Variants in ROBO1 observed in about 807,000 individuals in gnomAD.
ROBO1 encodes roundabout guidance receptor 1, also known as roundabout homolog 1.
Under a neutral mutation model 195.9 loss-of-function variants are expected in ROBO1, and 149 were observed. The ratio of observed to expected loss-of-function variants is 0.76; its 90% CI spans 0.67 to 0.87. The LOEUF (loss-of-function observed/expected upper bound fraction) is 0.87. Among genes scored for constraint, ROBO1 ranks in the 40% least tolerant of loss-of-function variants. The pLI is 0.00. For missense variants in ROBO1, 1,933 were observed against 2,068.3 expected, an observed-to-expected ratio of 0.93 and a Z score of 1.27; for synonymous variants, 816 against 733.2, an observed-to-expected ratio of 1.11 and a Z score of -1.82.
chr3:79,672,355 G>C (rs1946657553), intron 1 of ROBO1, among the ~76,000 whole-genome samples: 1 of 141,940 alleles, frequency 7.0e-6, no homozygotes, highest in Admixed American at 6.9e-5. Context: ...AATCTTTGAA[G>C]ACAGTTAAAT....
chr3:78,941,572 C>G (rs936744587), intron 3 of ROBO1, among the ~76,000 whole-genome samples: 3 of 152,088 alleles, frequency 2.0e-5, no homozygotes, highest in Non-Finnish European at 4.4e-5. Context: ...TATGAGGATA[C>G]AAAGAAGGGC....
intron 2 of ROBO1, among the ~76,000 whole-genome samples, chr3:79,469,640 A>G (rs1224640936): frequency 6.6e-6 from 1 of 152,222 alleles, no homozygotes; most frequent in Non-Finnish European, 1.5e-5. Context: ...TCTTTTCTAT[A>G]AAATGAAGAA....
chr3:79,396,086 T>C (rs898782922), intron 2 of ROBO1, among the ~76,000 whole-genome samples: 15 of 152,108 alleles, frequency 9.9e-5, no homozygotes, highest in Admixed American at 8.5e-4. Flanking sequence ...TAATTTCTTA[T>C]AAAAGCTCTC....
At chr3:79,308,124 G>A (rs1417942674) in intron 2 of ROBO1, among the ~76,000 whole-genome samples, 1 of 152,064 alleles carries the variant, frequency 6.6e-6, no homozygotes, top group African/African-American at 2.4e-5. Context: ...CCTTAAACAT[G>A]TTACATTATT....
chr3:79,067,322 T>A (rs1026477481), intron 3 of ROBO1, among the ~76,000 whole-genome samples: 2 of 151,982 alleles, frequency 1.3e-5, no homozygotes, highest in Non-Finnish European at 2.9e-5. Context: ...GAAGTTAATA[T>A]GGGGTTACTT....
At chr3:78,921,470 A>C (rs1174560889) in intron 4 of ROBO1, among the ~76,000 whole-genome samples, 1 of 152,234 alleles carries the variant, frequency 6.6e-6, no homozygotes, top group African/African-American at 2.4e-5. Context: ...TTTTATAAAC[A>C]ATAACTGCAA....
At chr3:78,862,004 C>A (rs931388952) in intron 4 of ROBO1, among the ~76,000 whole-genome samples, 1 of 152,088 alleles carries the variant, frequency 6.6e-6, no homozygotes, top group African/African-American at 2.4e-5. Flanking sequence ...CCCTAGAACA[C>A]GTGAATATGC....
chr3:79,177,965 A>G (rs756376624), intron 2 of ROBO1, among the ~76,000 whole-genome samples: 13 of 152,232 alleles, frequency 8.5e-5, no homozygotes, highest in Non-Finnish European at 1.5e-5. Context: ...TGTGTACAAG[A>G]TCATGTGGCC....
chr3:79,463,185 A>G (rs773514741), intron 2 of ROBO1, among the ~76,000 whole-genome samples: 16 of 152,094 alleles, frequency 1.1e-4, no homozygotes, highest in Non-Finnish European at 2.2e-4. Flanking sequence ...CATCCTGGCT[A>G]ACACGGTGAA....
intron 3 of ROBO1, among the ~76,000 whole-genome samples, chr3:78,950,431 T>C (rs1472217488): frequency 6.9e-6 from 1 of 145,226 alleles, no homozygotes; most frequent in African/African-American, 2.6e-5. Context: ...AAACACCGCA[T>C]GTTCTCACTC....
chr3:79,365,095 G>T (rs2109316654), intron 2 of ROBO1, among the ~76,000 whole-genome samples: 1 of 152,222 alleles, frequency 6.6e-6, no homozygotes, highest in African/African-American at 2.4e-5. Context: ...TACGTGAATT[G>T]CATCAGAATG....
chr3:79,355,858 G>T (rs779233923), intron 2 of ROBO1, among the ~76,000 whole-genome samples: 3 of 152,132 alleles, frequency 2.0e-5, no homozygotes, highest in Admixed American at 6.5e-5. Flanking sequence ...TGTGAAGAGT[G>T]CTACAGTAAA....
intron 2 of ROBO1, among the ~76,000 whole-genome samples, chr3:79,575,364 TAACA>T (rs1943442753): frequency 7.9e-6 from 1 of 127,264 alleles, no homozygotes; most frequent in Non-Finnish European, 1.6e-5. Context: ...AATATGTATA[TAACA>T]AATATATATA....
intron 2 of ROBO1, among the ~76,000 whole-genome samples, chr3:79,439,531 T>C (rs980960240): frequency 6.6e-6 from 1 of 152,126 alleles, no homozygotes; most frequent in African/African-American, 2.4e-5. Flanking sequence ...ATATTGTCTT[T>C]GCCTTCTAAA....
intron 2 of ROBO1, among the ~76,000 whole-genome samples, chr3:79,169,276 A>G (rs2081126101): frequency 6.6e-6 from 1 of 152,202 alleles, no homozygotes; most frequent in African/African-American, 2.4e-5. Context: ...TATTCCTCCA[A>G]ACAGTTAATG....
chr3:79,512,205 G>A (rs1294373310), intron 2 of ROBO1, among the ~76,000 whole-genome samples: 1 of 152,088 alleles, frequency 6.6e-6, no homozygotes, highest in Non-Finnish European at 1.5e-5. Flanking sequence ...TTATTAAAAA[G>A]AGATAACTCG....
At chr3:79,390,557 G>T (rs1203341911) in intron 2 of ROBO1, among the ~76,000 whole-genome samples, 1 of 152,174 alleles carries the variant, frequency 6.6e-6, no homozygotes, top group Admixed American at 6.5e-5. Context: ...TGGAAGCCAA[G>T]AGATGAATAC....
At chr3:79,156,496 A>G (rs936352306) in intron 2 of ROBO1, among the ~76,000 whole-genome samples, 17 of 151,828 alleles carry the variant, frequency 1.1e-4, no homozygotes, top group African/African-American at 3.9e-4. Flanking sequence ...ATATATAGTT[A>G]CAAAGGAAAA....
chr3:78,613,471 A>G (rs1269279050), intron 28 of ROBO1, among the ~76,000 whole-genome samples: 4 of 152,234 alleles, frequency 2.6e-5, no homozygotes, highest in African/African-American at 9.6e-5. Flanking sequence ...ATAACCCTTC[A>G]AAATCAGATA....
Sources: allele counts gnomAD v4.1 joint callset (sites outside exome capture counted in the v4.1 genomes callset), GRCh38; gene constraint gnomAD v4.1.1; transcripts MANE v1.5; gene names NCBI Gene and HGNC (gene_info 2026-07-23, HGNC 2026-07-21).